Variants in CRKL observed in about 807,000 individuals in gnomAD.
The protein encoded by CRKL is crk-like protein.
Under a neutral mutation model 23.0 loss-of-function variants are expected in CRKL, and 3 were observed. The observed-to-expected ratio is 0.13, with a 90% confidence interval of 0.06 to 0.34. The LOEUF (loss-of-function observed/expected upper bound fraction) is 0.34, where lower values mean the gene tolerates loss of function less well. Among genes scored for constraint, CRKL ranks in the 10% least tolerant of loss-of-function variants. CRKL has a pLI of 1.00. For missense variants in CRKL, 256 were observed against 394.5 expected (o/e 0.65, Z 2.97); for synonymous variants, 188 against 160.7 (o/e 1.17, Z -1.28).
chr22:20,929,616 A>G (rs1026425816), intron 1 of CRKL, among the ~76,000 whole-genome samples: 6 of 152,090 alleles, frequency 3.9e-5, no homozygotes, highest in Non-Finnish European at 7.4e-5. Context: ...GGCACACGCC[A>G]CCACACCTGG....
At chr22:20,937,734 T>C (rs765175793) in intron 2 of CRKL, among the ~76,000 whole-genome samples, 31 of 152,012 alleles carry the variant, frequency 2.0e-4, no homozygotes, top group Non-Finnish European at 3.8e-4. Context: ...CCCAGCCAGC[T>C]GAGCTTCAGC....
intron 2 of CRKL, among the ~76,000 whole-genome samples, chr22:20,942,861 G>A (rs1022505193): frequency 1.3e-5 from 2 of 151,948 alleles, no homozygotes; most frequent in African/African-American, 4.8e-5. Flanking sequence ...TCAACTGATC[G>A]CTCACCTCAG....
At position 20,923,242 on chromosome 22, in the gene CRKL, A is replaced by G. The variant is rs567101671; in HGVS notation, c.311+4997A>G. 4.6e-5 allele frequency among the ~76,000 whole-genome samples: 7 copies of G among 152,100 alleles called. No individual in the cohort carries two copies. The East Asian group carries it at 9.7e-4, about 21-fold the overall frequency. On this transcript the variant is annotated intron_variant, in intron 1 of 2. Transcript: ENST00000354336. ...AACCAACATTGAATCAGACAGCCCT[A>G]TCATGCTTCTGAGGAGCTTACTGGT...
intron 1 of CRKL, among the ~76,000 whole-genome samples, chr22:20,923,589 T>A (rs1382195197): frequency 7.0e-6 from 1 of 142,214 alleles, no homozygotes; most frequent in Non-Finnish European, 1.5e-5. Context: ...TTTTTTTTTT[T>A]TTTTGAGACA....
At chr22:20,946,695 C>T (rs1405786650) in intron 2 of CRKL, among the ~76,000 whole-genome samples, 3 of 145,294 alleles carry the variant, frequency 2.1e-5, no homozygotes, top group Non-Finnish European at 4.5e-5. Flanking sequence ...AGAGAAGTTT[C>T]TCTGAAGGTG....
intron 1 of CRKL, among the ~76,000 whole-genome samples, chr22:20,920,160 C>A (rs754881053): frequency 6.6e-6 from 1 of 152,106 alleles, no homozygotes; most frequent in Non-Finnish European, 1.5e-5. Context: ...TTAAGCCATG[C>A]ATATGCTTAT....
intron 1 of CRKL, among the ~76,000 whole-genome samples, chr22:20,931,158 C>T (rs1248077312): frequency 2.6e-5 from 4 of 152,124 alleles, no homozygotes; most frequent in Non-Finnish European, 2.9e-5. Flanking sequence ...GTAATCCCAA[C>T]ACTTTGGGAG....
intron 2 of CRKL, among the ~76,000 whole-genome samples, chr22:20,948,781 T>C (rs1002845439): frequency 3.3e-5 from 5 of 152,208 alleles, no homozygotes; most frequent in Non-Finnish European, 7.3e-5. Flanking sequence ...ACTAGAGGCA[T>C]GTACCACGAT....
At position 20,927,128 on chromosome 22, in the gene CRKL, A is replaced by AAAAAAAAAAAAAAAAAAG. The variant is rs1555918902; in HGVS notation, c.312-6643_312-6642insAAAAAAAAAGAAAAAAAA. On this transcript the variant is annotated intron_variant, in intron 1 of 2. Transcript: ENST00000354336. Reference sequence around the variant, plus strand: ...CTCCGTCTCAAAAAAAAAAAAAAAAAAAAAAAAAGAATGGTGGTTAAAGCA... The same window carrying AAAAAAAAAAAAAAAAAAG: ...CTCCGTCTCAAAAAAAAAAAAAAAAAAAAAAAAAAAAAAAAAAGAAAAAAAAGAATGGTGGTTAAAGCA... 4.6e-3 allele frequency among the ~76,000 whole-genome samples: 575 copies of AAAAAAAAAAAAAAAAAAG among 125,724 alleles called. 37 individuals are homozygous for AAAAAAAAAAAAAAAAAAG. The highest frequency in any genetic ancestry group is 0.022 in the East Asian group (72 of 3,236). The allele number at this position is 125,724 out of a possible 152,430, so 82.5% of individuals were successfully genotyped here.
At chr22:20,949,354 T>C (rs940702010) in intron 2 of CRKL, among the ~76,000 whole-genome samples, 1 of 152,216 alleles carries the variant, frequency 6.6e-6, no homozygotes, top group African/African-American at 2.4e-5. Context: ...CTCGAACTCC[T>C]GACCTCAAGT....
intron 1 of CRKL, among the ~76,000 whole-genome samples, chr22:20,918,996 C>T (rs1271740830): frequency 1.5e-5 from 2 of 132,402 alleles, no homozygotes; most frequent in Non-Finnish European, 3.1e-5. Context: ...AAGGCACGTA[C>T]ACACAAGTTT....
In CRKL at chr22:20,933,010, G is replaced by C. The variant is rs528429218; in HGVS notation, c.312-769G>C. Among the ~76,000 whole-genome samples the C allele has an allele frequency of 7.2e-5, 11 of 152,040 alleles. No homozygotes were observed. The South Asian group carries it at 2.3e-3, about 32-fold the overall frequency. On this transcript the variant is annotated intron_variant, in intron 1 of 2. Coordinates refer to ENST00000354336, the MANE Select transcript of CRKL (RefSeq NM_005207.4). The stretch of plus-strand genomic sequence containing the variant: ...CAGAAAAATCACTTGAACACGGGAG[G>C]TAGAGGTTACAGTGAACTGAAATTG...
intron 2 of CRKL, among the ~76,000 whole-genome samples, chr22:20,942,694 C>A (rs1433483342): frequency 3.9e-5 from 6 of 151,954 alleles, no homozygotes; most frequent in Non-Finnish European, 8.8e-5. Context: ...CATCTCGGCT[C>A]ACTGCAACCT....
At chr22:20,926,881 G>A (rs1175810880) in intron 1 of CRKL, among the ~76,000 whole-genome samples, 2 of 151,916 alleles carry the variant, frequency 1.3e-5, no homozygotes, top group Admixed American at 6.6e-5. Context: ...GGAGGCGGAG[G>A]CAGGTGGATT....
chr22:20,939,970 A>G (rs957755416), intron 2 of CRKL, among the ~76,000 whole-genome samples: 1 of 151,742 alleles, frequency 6.6e-6, no homozygotes, highest in Admixed American at 6.6e-5. Flanking sequence ...TTTTATTTTT[A>G]GTAGAGAAAG....
intron 2 of CRKL, among the ~76,000 whole-genome samples, chr22:20,937,350 C>T (rs780513823): frequency 7.3e-5 from 11 of 151,540 alleles, no homozygotes; most frequent in Non-Finnish European, 1.5e-4. Flanking sequence ...GGGTGTGACT[C>T]GTGTGTGTTT....
chr22:20,949,395 G>A (rs916763563), intron 2 of CRKL, among the ~76,000 whole-genome samples: 1 of 152,172 alleles, frequency 6.6e-6, no homozygotes, highest in African/African-American at 2.4e-5. Flanking sequence ...ACAATGAGCT[G>A]TAATCGGGCC....
intron 1 of CRKL, among the ~76,000 whole-genome samples, chr22:20,922,006 C>CTTTTT (rs66728040): frequency 4.3e-5 from 3 of 69,936 alleles, no homozygotes; most frequent in Admixed American, 2.1e-4. Flanking sequence ...CTGCGCCCGG[C>CTTTTT]TTTTTTTTTT....
chr22:20,933,527 G>A (rs903569997), intron 1 of CRKL, among the ~76,000 whole-genome samples: 1 of 151,824 alleles, frequency 6.6e-6, no homozygotes, highest in Admixed American at 6.6e-5. Flanking sequence ...AGTTACCTGG[G>A]CGTGGTAGTG....
Sources: gnomAD v4.1 joint callset for allele counts (sites outside exome capture counted in the v4.1 genomes callset) on GRCh38, gnomAD v4.1.1 for gene constraint, MANE v1.5 for transcripts, NCBI Gene and HGNC (gene_info 2026-07-23, HGNC 2026-07-21) for gene names.